HEXB: variants seen among roughly 807,000 people sequenced by gnomAD.
HEXB encodes beta-hexosaminidase subunit beta.
HEXB carries 51 observed loss-of-function variants against 71.2 expected under a neutral mutation model. That is an observed-to-expected ratio of 0.72 (90% confidence interval 0.57 to 0.90). HEXB has a LOEUF of 0.90. Ranked by LOEUF, HEXB falls within the 40% of genes least tolerant of loss-of-function variation. The pLI, the probability that HEXB is intolerant of heterozygous loss-of-function variation, is 0.00. For missense variants in HEXB, 617 were observed against 677.0 expected, an observed-to-expected ratio of 0.91 and a Z score of 0.98; for synonymous variants, 266 against 249.3, an observed-to-expected ratio of 1.07 and a Z score of -0.63.
Position 74,641,255 on chromosome 5 carries a change from G to C in HEXB, c.-377+697G>C, listed in dbSNP as rs1180359904. On this transcript the variant is annotated intron_variant, in intron 1 of 13. Coordinates refer to the HEXB transcript ENST00000511181. This position sits in a 1 kb window ranked among gnomAD's most constrained non-coding sequence, Gnocchi z 4.1. ...AGGACACCCAGAGTGGGGAGAGATA[G>C]TGGCAATGGACGGGCAAAAGTCTGG... 2 of 152,712 alleles carry C rather than the reference G, an allele frequency of 1.3e-5. No homozygotes were observed. The highest frequency in any genetic ancestry group is 4.8e-5 in the African/African-American group (2 of 41,476). 9.5% of individuals were successfully genotyped at this position (152,712 alleles called of 1,614,324 possible).
chr5:74,686,822 C>T (rs897003642), intron 1 of HEXB, among the ~76,000 whole-genome samples: 9 of 152,192 alleles, frequency 5.9e-5, no homozygotes, highest in African/African-American at 1.9e-4. Flanking sequence ...AAGGTTGTCT[C>T]AGAAGATCAT....
intron 6 of HEXB, among the ~76,000 whole-genome samples, chr5:74,712,196 C>T (rs1749559427): frequency 6.7e-6 from 1 of 149,132 alleles, no homozygotes; most frequent in Non-Finnish European, 1.5e-5. Flanking sequence ...AAGCCAAACA[C>T]CGCATATTCT....
chr5:74,647,337 A>C (rs532431389), intron 1 of HEXB, among the ~76,000 whole-genome samples: 14 of 152,356 alleles, frequency 9.2e-5, no homozygotes, highest in Admixed American at 7.8e-4. Flanking sequence ...AGGGACTAGA[A>C]GAAGGGACCT....
At position 74,673,451 on chromosome 5, in the gene HEXB, C is replaced by A. The variant is rs115999277; in HGVS notation, c.-376-15877C>A. Among the ~76,000 whole-genome samples the A allele has an allele frequency of 5.9e-3, 905 of 152,324 alleles. 7 individuals are homozygous for A. Among genetic ancestry groups the A allele is most frequent in the Non-Finnish European group, 8.1e-3 (553 of 68,034 alleles). ...TGCAGGAGTTAGGCAGCTTTGCTTG[C>A]TTGTCTGCCCAGGTCCTAGGCTGTC... On this transcript the variant is annotated intron_variant, in intron 1 of 13. Coordinates refer to the HEXB transcript ENST00000511181.
intron 1 of HEXB, among the ~76,000 whole-genome samples, chr5:74,688,069 C>T (rs1748912553): frequency 6.6e-6 from 1 of 151,934 alleles, no homozygotes; most frequent in African/African-American, 2.4e-5. Context: ...TGCTCTGAAG[C>T]CTGTCTGATC....
intron 6 of HEXB, among the ~76,000 whole-genome samples, chr5:74,713,029 G>C (rs1353463397): frequency 6.6e-6 from 1 of 152,120 alleles, no homozygotes; most frequent in Admixed American, 6.6e-5. Context: ...TTTGTAATAA[G>C]GTGTGCATTT....
At position 74,721,206 on chromosome 5, in the gene HEXB, T is replaced by C; in HGVS notation, c.*31T>C. On this transcript the variant is annotated 3_prime_UTR_variant, in exon 14 of 14. Coordinates refer to ENST00000261416, the MANE Select transcript of HEXB (RefSeq NM_000521.4). ...GGAGGGGAAAAAGGCCACAGCAATC[T>C]GTACTACAATCAACTTTATTTTGAA... The C allele has an allele frequency of 6.7e-7, 1 of 1,488,000 alleles. No homozygotes were observed. Among genetic ancestry groups the C allele is most frequent in the Non-Finnish European group, 9.4e-7 (1 of 1,065,202 alleles). The allele number at this position is 1,488,000 out of a possible 1,614,324, so 92.2% of individuals were successfully genotyped here.
chr5:74,697,182 C>T (rs1490365701), intron 5 of HEXB, 76 bp downstream of exon 5: 5 of 790,980 alleles, frequency 6.3e-6, no homozygotes, highest in Non-Finnish European at 1.1e-5. Context: ...ATGTTGGTTA[C>T]TATTGTGTAG....
upstream of HEXB, among the ~76,000 whole-genome samples, chr5:74,683,823 T>TTC (rs1484684039): frequency 3.5e-4 from 12 of 34,774 alleles, no homozygotes; most frequent in African/African-American, 1.1e-3. Flanking sequence ...TTTTCTTTCT[T>TTC]TTTTTTTTTT....
rs531269430 is a variant in HEXB, at chr5:74,707,818, G to A, written c.771+2498G>A. On this transcript the variant is annotated intron_variant, in intron 6 of 13. Transcript: ENST00000261416. ...AAGACCAAATCTACATCTGATTGGT[G>A]TACCTGAAAGTGAAAGTGACGGGGA... Among the ~76,000 whole-genome samples, 26 of 38,142 alleles carry A rather than the reference G, an allele frequency of 6.8e-4. No individual in the cohort carries two copies. In the East Asian group the frequency reaches 0.016, roughly 24 times the overall value. The allele number at this position is 38,142 out of a possible 152,430, so 25.0% of individuals were successfully genotyped here.
chr5:74,683,969 C>G (rs546377671), upstream of HEXB, among the ~76,000 whole-genome samples: 1 of 151,656 alleles, frequency 6.6e-6, no homozygotes, highest in East Asian at 2.0e-4. Flanking sequence ...TACAGGCGCC[C>G]GCCACCACGC....
At chr5:74,649,456 C>A (rs1389201747) in intron 1 of HEXB, among the ~76,000 whole-genome samples, 2 of 152,302 alleles carry the variant, frequency 1.3e-5, no homozygotes, top group Admixed American at 6.5e-5. Flanking sequence ...CTTTAATCCC[C>A]ACAGCAACCC....
intron 8 of HEXB, 25 bp downstream of exon 8, chr5:74,715,715 T>TAAAAA: frequency 1.4e-6 from 2 of 1,418,726 alleles, no homozygotes; most frequent in Middle Eastern, 2.3e-4. Context: ...TAAAACCCCT[T>TAAAAA]TAAAAAAAAA....
rs558791150 is a variant in HEXB, at chr5:74,698,682, G to A, written c.669+1576G>A. The stretch of plus-strand genomic sequence containing the variant: ...TGGGATTACAGGTGTGAGCCACCAC[G>A]CCTGGCCTAAAAATTATTTTTACAT... On this transcript the variant is annotated intron_variant, in intron 5 of 13. Coordinates refer to ENST00000261416, the MANE Select transcript of HEXB (RefSeq NM_000521.4). Among the ~76,000 whole-genome samples, 13 of 152,024 alleles carry A rather than the reference G, an allele frequency of 8.6e-5. No homozygotes were observed. The Middle Eastern group carries it at 0.01, about 119-fold the overall frequency.
At chr5:74,662,164 C>CT (rs145499677) in intron 1 of HEXB, among the ~76,000 whole-genome samples, 4,792 of 148,800 alleles carry the variant, frequency 0.032, 245 homozygotes, top group African/African-American at 0.11. Flanking sequence ...TGATTTTAAG[C>CT]TTTTTTTTTT....
intron 9 of HEXB, among the ~76,000 whole-genome samples, chr5:74,717,249 T>G (rs1579953409): frequency 6.6e-6 from 1 of 152,110 alleles, no homozygotes. Flanking sequence ...CTGTGAAGTC[T>G]TCACTACCAT....
chr5:74,706,263 A>G (rs1421665775), intron 6 of HEXB: 1 of 152,250 alleles, frequency 6.6e-6, no homozygotes, highest in Non-Finnish European at 1.5e-5. Flanking sequence ...TGCAGCTAAA[A>G]AATTAAGAGT....
chr5:74,720,243 G>C (rs1365288622), intron 11 of HEXB, 185 bp from the exon 12 acceptor site: 5 of 617,702 alleles, frequency 8.1e-6, no homozygotes, highest in African/African-American at 5.5e-5. Flanking sequence ...CATTTTTTTG[G>C]GGGGTGGGGG....
chr5:74,697,065 T>C lies in HEXB; in HGVS notation c.628T>C (p.Ser210Pro). 6.4e-7 allele frequency: 1 copy of C among 1,564,808 alleles called. No individual in the cohort carries two copies. The highest frequency in any genetic ancestry group is 8.8e-7 in the Non-Finnish European group (1 of 1,135,752). ...TCACAGAGGAATTTTGATTGATACATCCAGACATTATCTGCCAGTTAAGAT... is the reference window on the plus strand; with the variant it reads ...TCACAGAGGAATTTTGATTGATACACCCAGACATTATCTGCCAGTTAAGAT... ...FSHRGILIDT[S>P]RHYLPVKIIL... is the part of the protein sequence containing the mutation. The change falls in exon 5 of 14, where the codon TCC becomes CCC. Residue 210 changes from serine (S) to proline (P), a missense_variant. Ser to Pro is a moderately conservative substitution (Grantham distance 74). Transcript: ENST00000261416.
Sources: allele counts gnomAD v4.1 joint callset (sites outside exome capture counted in the v4.1 genomes callset), GRCh38; gene constraint gnomAD v4.1.1; non-coding constraint Gnocchi (gnomAD v3.1); transcripts MANE v1.5; gene names NCBI Gene and HGNC (gene_info 2026-07-23, HGNC 2026-07-21).